Variants in SPSB4 observed in about 807,000 individuals in gnomAD.
SPSB4 encodes SPRY domain-containing SOCS box protein 4.
A neutral mutation model predicts 20.9 loss-of-function variants in SPSB4; 21 were observed. The ratio of observed to expected loss-of-function variants is 1.01; its 90% confidence interval spans 0.71 to 1.45. SPSB4 has a LOEUF of 1.45. SPSB4 is among the 40% of genes most tolerant of loss of function. SPSB4 has a pLI of 0.00. For synonymous variants in SPSB4, 207 were observed against 183.8 expected (o/e 1.13, Z -1.02); for missense variants, 399 against 399.2 (o/e 1.00, Z 0.00).
intron 2 of SPSB4, among the ~76,000 whole-genome samples, chr3:141,138,950 T>C (rs139782142): frequency 2.2e-3 from 334 of 152,300 alleles, no homozygotes; most frequent in Non-Finnish European, 4.1e-3. Context: ...AAGTCTCCCA[T>C]TATTATTGTG....
intron 2 of SPSB4, chr3:141,077,470 A>C (rs2107784907): frequency 6.6e-6 from 1 of 152,344 alleles, no homozygotes; most frequent in South Asian, 2.1e-4. Context: ...CCAGCTTTGA[A>C]GTCATTTAAG....
chr3:141,096,328 A>G (rs191692177), intron 2 of SPSB4, among the ~76,000 whole-genome samples: 64 of 152,230 alleles, frequency 4.2e-4, no homozygotes, highest in Non-Finnish European at 7.9e-4. Context: ...TTGTAGTAGG[A>G]CCCTCACCTC....
intron 2 of SPSB4, among the ~76,000 whole-genome samples, chr3:141,083,709 C>T (rs62283580): frequency 0.14 from 20,945 of 152,070 alleles, 1,670 homozygotes; most frequent in East Asian, 0.25. Context: ...ACCTTGGTTT[C>T]TAAAGTCCTC....
At chr3:141,053,618 CA>C (rs1180969023) in intron 1 of SPSB4, among the ~76,000 whole-genome samples, 1 of 151,942 alleles carries the variant, frequency 6.6e-6, no homozygotes, top group Non-Finnish European at 1.5e-5. Flanking sequence ...GGTCAACAAA[CA>C]AAAGATCAAA....
chr3:141,134,239 A>G (rs984274385), intron 2 of SPSB4, among the ~76,000 whole-genome samples: 1 of 151,666 alleles, frequency 6.6e-6, no homozygotes, highest in Admixed American at 6.6e-5. Flanking sequence ...TTTTCTAGGT[A>G]TACAGTCATA....
rs1197030616 is a variant in SPSB4 at position 141,066,394 on chromosome 3, T to G, written c.290T>G (p.Leu97Arg). The change falls in exon 2 of 3, where the codon CTG becomes CGG. Residue 97 changes from leucine (L) to arginine (R), a missense_variant. Transcript: ENST00000310546. The part of the protein sequence containing the change: ...IRGKVGHARG[L>R]HAWQINWPAR... ...GGCAAGGTGGGCCACGCCCGCGGCC[T>G]GCACGCCTGGCAGATCAACTGGCCG... 2 of 1,539,776 alleles carry G rather than the reference T, an allele frequency of 1.3e-6. No individual in the cohort carries two copies. The highest frequency in any genetic ancestry group is 1.7e-6 in the Non-Finnish European group (2 of 1,144,210).
intron 2 of SPSB4, among the ~76,000 whole-genome samples, chr3:141,075,561 G>T (rs564981886): frequency 9.2e-4 from 140 of 152,236 alleles, no homozygotes; most frequent in African/African-American, 3.3e-3. Flanking sequence ...AAGCCACCTG[G>T]TGACCTTCTT....
At chr3:141,070,623 T>G (rs1937984693) in intron 2 of SPSB4, among the ~76,000 whole-genome samples, 1 of 152,136 alleles carries the variant, frequency 6.6e-6, no homozygotes, top group South Asian at 2.1e-4. Context: ...AAGCAATCCT[T>G]CCACCTCTGC....
At chr3:141,072,666 A>G (rs111267409) in intron 2 of SPSB4, among the ~76,000 whole-genome samples, 66 of 152,340 alleles carry the variant, frequency 4.3e-4, no homozygotes, top group African/African-American at 1.5e-3. Context: ...TTGTTTCTTT[A>G]TAAATTACCC....
chr3:141,132,633 G>A (rs1354852984), intron 2 of SPSB4, among the ~76,000 whole-genome samples: 1 of 149,680 alleles, frequency 6.7e-6, no homozygotes, highest in Non-Finnish European at 1.5e-5. Flanking sequence ...TTATGGCTGA[G>A]TAGTATTCCA....
chr3:141,109,231 T>C (rs1242339476), intron 2 of SPSB4, among the ~76,000 whole-genome samples: 6 of 152,106 alleles, frequency 3.9e-5, no homozygotes, highest in South Asian at 2.1e-4. Flanking sequence ...AGCAGTCCAC[T>C]CACACCTTGC....
At chr3:141,131,312 C>T (rs752643539) in intron 2 of SPSB4, among the ~76,000 whole-genome samples, 19 of 152,168 alleles carry the variant, frequency 1.2e-4, no homozygotes, top group African/African-American at 3.6e-4. Context: ...ACTTGTGTTG[C>T]GTCTCACCAA....
At chr3:141,147,094 T>C in intron 2 of SPSB4, 48 bp from the exon 3 acceptor site, 10 of 1,606,878 alleles carry the variant, frequency 6.2e-6, no homozygotes, top group Non-Finnish European at 8.5e-6. Flanking sequence ...GATGAGAAGG[T>C]GCCAGGATGG....
At chr3:141,139,317 A>G (rs944828675) in intron 2 of SPSB4, among the ~76,000 whole-genome samples, 33 of 152,136 alleles carry the variant, frequency 2.2e-4, no homozygotes, top group African/African-American at 7.2e-4. Context: ...TTTTAATTGG[A>G]GCATTTAGCC....
At chr3:141,131,588 G>A (rs540353062) in intron 2 of SPSB4, among the ~76,000 whole-genome samples, 82 of 151,756 alleles carry the variant, frequency 5.4e-4, no homozygotes, top group Non-Finnish European at 1.1e-3. Context: ...TACAGAAGAC[G>A]TCACACAAAA....
chr3:141,059,129 C>A (rs1427681618), intron 1 of SPSB4, among the ~76,000 whole-genome samples: 2 of 152,132 alleles, frequency 1.3e-5, no homozygotes, highest in Non-Finnish European at 2.9e-5. Flanking sequence ...TGAAAGATGT[C>A]CCCCTGGCTG....
rs182787553 is a variant in SPSB4 at position 141,095,303 on chromosome 3, G to C, written c.694+28505G>C. ...GGCTACTGCGAGGCGGAAAATTTGAGACTATAAGCTCCTCAACAGCTGTGT... is the reference window on the plus strand; with the variant it reads ...GGCTACTGCGAGGCGGAAAATTTGACACTATAAGCTCCTCAACAGCTGTGT... On this transcript the variant is annotated intron_variant, in intron 2 of 2. Coordinates refer to ENST00000310546, the MANE Select transcript of SPSB4 (RefSeq NM_080862.3). Among the ~76,000 whole-genome samples the C allele has an allele frequency of 2.3e-3, 346 of 152,306 alleles. 1 individual carries two copies. Among genetic ancestry groups the C allele is most frequent in the African/African-American group, 8.1e-3 (335 of 41,560 alleles).
At chr3:141,075,806 G>A (rs1248676669) in intron 2 of SPSB4, among the ~76,000 whole-genome samples, 1 of 151,606 alleles carries the variant, frequency 6.6e-6, no homozygotes, top group African/African-American at 2.4e-5. Context: ...CAGCACTTTG[G>A]GAGGCCGAGG....
intron 2 of SPSB4, among the ~76,000 whole-genome samples, chr3:141,099,902 A>G (rs910470343): frequency 6.6e-6 from 1 of 152,232 alleles, no homozygotes; most frequent in Non-Finnish European, 1.5e-5. Context: ...GTTATAAACC[A>G]TGCAACCATC....
Sources: gnomAD v4.1 joint callset for allele counts (sites outside exome capture counted in the v4.1 genomes callset) on GRCh38, gnomAD v4.1.1 for gene constraint, MANE v1.5 for transcripts, NCBI Gene and HGNC (gene_info 2026-07-23, HGNC 2026-07-21) for gene names.